TBXAS1: variants seen among roughly 807,000 people sequenced by gnomAD.
TBXAS1 encodes thromboxane A synthase 1, also known as thromboxane-A synthase.
In TBXAS1, 48 loss-of-function variants were observed where a neutral mutation model predicts 60.7. That is an observed-to-expected ratio of 0.79 (90% CI 0.63 to 1.01). The LOEUF is 1.01. Among genes scored for constraint, TBXAS1 ranks in the 50% least tolerant of loss-of-function variants. The pLI is 0.00. For synonymous variants in TBXAS1, 287 were observed against 269.7 expected, an observed-to-expected ratio of 1.06 and a Z score of -0.63; for missense variants, 685 against 686.3, an observed-to-expected ratio of 1.00 and a Z score of 0.02.
chr7:140,014,078 A>C (rs1446676848), intron 10 of TBXAS1, among the ~76,000 whole-genome samples: 2 of 152,210 alleles, frequency 1.3e-5, no homozygotes, highest in African/African-American at 2.4e-5. Flanking sequence ...CCTTGGGAAG[A>C]AGCAGACAAA....
chr7:139,894,597 T>C (rs1421973292), intron 3 of TBXAS1, among the ~76,000 whole-genome samples: 2 of 152,166 alleles, frequency 1.3e-5, no homozygotes, highest in Non-Finnish European at 2.9e-5. Flanking sequence ...ATCCAAGGGA[T>C]TGGTCCAAAT....
chr7:139,969,540 G>A (rs1267233297), intron 9 of TBXAS1, among the ~76,000 whole-genome samples: 1 of 151,456 alleles, frequency 6.6e-6, no homozygotes, highest in African/African-American at 2.4e-5. Flanking sequence ...ACAGGGAAAG[G>A]GTTGAGCAGG....
At chr7:139,856,940 G>A (rs1175870290) in intron 1 of TBXAS1, among the ~76,000 whole-genome samples, 1 of 152,128 alleles carries the variant, frequency 6.6e-6, no homozygotes, top group African/African-American at 2.4e-5. Flanking sequence ...TGAAAAGGCC[G>A]CTTTCTATTT....
intron 6 of TBXAS1, among the ~76,000 whole-genome samples, chr7:139,954,165 G>A (rs904230565): frequency 1.3e-5 from 2 of 152,178 alleles, no homozygotes; most frequent in African/African-American, 4.8e-5. Context: ...GCTTACAGCA[G>A]ATAAAGAATA....
rs57162964 is a variant in TBXAS1 at position 139,868,462 on chromosome 7, A to AATTT, written c.90-3745_90-3742dup. ...AAACTTGAGTGGCTGGAAACTCCAG[A>AATTT]ATTTATTTATTTATTTATTTATTTA... On this transcript the variant is annotated intron_variant, in intron 1 of 12. Transcript: ENST00000448866. Among the ~76,000 whole-genome samples, 1,494 of 150,438 alleles carry AATTT rather than the reference A, an allele frequency of 9.9e-3. 19 individuals carry two copies. The highest frequency in any genetic ancestry group is 0.022 in the African/African-American group (885 of 40,242).
chr7:139,836,035 A>AAAATAAAT (rs201367497), intron 1 of TBXAS1, among the ~76,000 whole-genome samples: 151 of 140,386 alleles, frequency 1.1e-3, no homozygotes, highest in Admixed American at 2.1e-3. Flanking sequence ...AATAGCTGCA[A>AAAATAAAT]AAATAAATAA....
intron 1 of TBXAS1, among the ~76,000 whole-genome samples, chr7:139,855,086 TC>T (rs1380023721): frequency 6.6e-6 from 1 of 152,094 alleles, no homozygotes; most frequent in Non-Finnish European, 1.5e-5. Context: ...GGTGACTGGG[TC>T]ATGAGGGCAA....
intron 4 of TBXAS1, among the ~76,000 whole-genome samples, chr7:139,816,179 T>G (rs1426746518): frequency 1.3e-5 from 2 of 152,174 alleles, no homozygotes; most frequent in African/African-American, 2.4e-5. Flanking sequence ...TCTGCCATGA[T>G]TGTAAGTTTC....
chr7:139,828,435 G>A (rs1701889079), upstream of TBXAS1, among the ~76,000 whole-genome samples: 2 of 152,156 alleles, frequency 1.3e-5, no homozygotes, highest in African/African-American at 4.8e-5. Context: ...TCCGCAAATG[G>A]GGCACTCACA....
chr7:140,017,575 C>G, intron 11 of TBXAS1, 96 bp from the exon 12 acceptor site: 1 of 1,520,044 alleles, frequency 6.6e-7, no homozygotes, highest in Non-Finnish European at 9.0e-7. Flanking sequence ...TGGAGACATC[C>G]TTGTCTCAGA....
chr7:140,002,794 G>A (rs17837497), intron 9 of TBXAS1, among the ~76,000 whole-genome samples: 3,992 of 152,196 alleles, frequency 0.026, 175 homozygotes, highest in African/African-American at 0.088. Context: ...GGGGAGTAGG[G>A]CCCAAGCATC....
chr7:139,805,967 C>G (rs1157478501), intron 4 of TBXAS1, among the ~76,000 whole-genome samples: 1 of 136,048 alleles, frequency 7.4e-6, no homozygotes, highest in Non-Finnish European at 1.5e-5. Context: ...TGGAGTCTCG[C>G]TCTTTCACCC....
chr7:139,842,769 C>A (rs769292392), intron 1 of TBXAS1, among the ~76,000 whole-genome samples: 3 of 152,212 alleles, frequency 2.0e-5, no homozygotes. Context: ...GGCCCTGGCC[C>A]GCGCTGTGGG....
At position 140,013,477 on chromosome 7, in the gene TBXAS1, GC is replaced by G. The variant is rs1814775097; in HGVS notation, c.1227-2244del. On this transcript the variant is annotated intron_variant, in intron 10 of 12. Coordinates refer to ENST00000448866, the MANE Select transcript of TBXAS1 (RefSeq NM_001061.7). This position sits in a 1 kb window ranked among gnomAD's most constrained non-coding sequence, Gnocchi z 4.2. ...ATCAACAAGGTACAAGCTTAAGAGA[GC>G]CATGCCGGGATTTCAAGTTGCAAGG... 6.6e-6 allele frequency among the ~76,000 whole-genome samples: 1 copy of G among 152,168 alleles called. No individual in the cohort carries two copies. The highest frequency in any genetic ancestry group is 1.5e-5 in the Non-Finnish European group (1 of 68,034).
At chr7:139,936,771 A>G (rs1465858736) in intron 5 of TBXAS1, among the ~76,000 whole-genome samples, 1 of 152,238 alleles carries the variant, frequency 6.6e-6, no homozygotes. Context: ...CACACTTTAC[A>G]TAGCAAGAAA....
At chr7:139,877,056 T>G (rs1449535734) in intron 3 of TBXAS1, among the ~76,000 whole-genome samples, 2 of 152,066 alleles carry the variant, frequency 1.3e-5, no homozygotes, top group Non-Finnish European at 2.9e-5. Flanking sequence ...TCATTTCAGC[T>G]TATACCCTAT....
chr7:139,976,038 G>A lies in TBXAS1; in HGVS notation c.1134+13805G>A, dbSNP rs563621000. ...TCAGCCATTCCAGGCTTTCTCTTTG[G>A]GTTCCATCCCTCTGGGATTTTCCAC... is the stretch of plus-strand genomic sequence containing the variant. On this transcript the variant is annotated intron_variant, in intron 9 of 12. Transcript: ENST00000448866. Among the ~76,000 whole-genome samples, 7 of 152,266 alleles carry A rather than the reference G, an allele frequency of 4.6e-5. No homozygotes were observed. The South Asian group carries it at 1.4e-3, about 32-fold the overall frequency.
chr7:139,909,120 CAGA>C (rs1310403943), intron 3 of TBXAS1, among the ~76,000 whole-genome samples: 2 of 152,024 alleles, frequency 1.3e-5, no homozygotes, highest in African/African-American at 2.4e-5. Context: ...TTTTAGTTTT[CAGA>C]AGTTTAACTA....
rs532749669 is a variant in TBXAS1 at position 140,001,536 on chromosome 7, C to T, written c.1135-5555C>T. Among the ~76,000 whole-genome samples the T allele has an allele frequency of 2.2e-4, 33 of 152,224 alleles. No individual in the cohort carries two copies. In the East Asian group the frequency reaches 5.8e-3, roughly 27 times the overall value. On this transcript the variant is annotated intron_variant, in intron 9 of 12. Coordinates refer to ENST00000448866, the MANE Select transcript of TBXAS1 (RefSeq NM_001061.7). ...CCTCCCAAGTAGCTGGGATTACAGG[C>T]GCCCACCACCATACCTGGCTATTTT...
Sources: allele counts gnomAD v4.1 joint callset (sites outside exome capture counted in the v4.1 genomes callset), GRCh38; gene constraint gnomAD v4.1.1; non-coding constraint Gnocchi (gnomAD v3.1); transcripts MANE v1.5; gene names NCBI Gene and HGNC (gene_info 2026-07-23, HGNC 2026-07-21).